RCBTB1: variants seen among roughly 807,000 people sequenced by gnomAD.
RCBTB1 encodes the protein RCC1 and BTB domain-containing protein 1.
Under a neutral mutation model 62.4 loss-of-function variants are expected in RCBTB1, and 46 were observed. The observed-to-expected ratio is 0.74, with a 90% CI of 0.58 to 0.94. The LOEUF (loss-of-function observed/expected upper bound fraction) is 0.94. Ranked by LOEUF, RCBTB1 falls within the 40% of genes least tolerant of loss-of-function variation. The pLI, the probability that RCBTB1 is intolerant of heterozygous loss-of-function variation, is 0.00. For missense variants in RCBTB1, 565 were observed against 654.9 expected, an observed-to-expected ratio of 0.86 and a Z score of 1.50; for synonymous variants, 222 against 245.8, an observed-to-expected ratio of 0.90 and a Z score of 0.91.
intron 2 of RCBTB1, among the ~76,000 whole-genome samples, chr13:49,575,224 G>A (rs991149840): frequency 6.6e-6 from 1 of 152,130 alleles, no homozygotes; most frequent in Non-Finnish European, 1.5e-5. Context: ...ACACCAGTCA[G>A]AATGGCCATT....
chr13:49,545,663 G>GA (rs1264015715), intron 9 of RCBTB1, among the ~76,000 whole-genome samples: 1 of 152,172 alleles, frequency 6.6e-6, no homozygotes. Flanking sequence ...GGCTAATGGG[G>GA]AAATTTTTTT....
intron 1 of RCBTB1, among the ~76,000 whole-genome samples, chr13:49,585,056 A>C (rs1449295664): frequency 6.6e-6 from 1 of 152,200 alleles, no homozygotes; most frequent in Non-Finnish European, 1.5e-5. Context: ...AAGATCTTGG[A>C]AAGGAGAGAG....
At chr13:49,575,773 A>G (rs1963736580) in intron 2 of RCBTB1, among the ~76,000 whole-genome samples, 1 of 152,152 alleles carries the variant, frequency 6.6e-6, no homozygotes, top group African/African-American at 2.4e-5. Context: ...AGGCTAAAAA[A>G]CTACCTATTG....
At chr13:49,541,452 C>T (rs1960355852) in intron 11 of RCBTB1, among the ~76,000 whole-genome samples, 1 of 151,930 alleles carries the variant, frequency 6.6e-6, no homozygotes, top group African/African-American at 2.4e-5. Context: ...AAAAAAAAGT[C>T]CTTCAGTAAC....
intron 6 of RCBTB1, among the ~76,000 whole-genome samples, chr13:49,554,674 T>C (rs1306153521): frequency 1.3e-5 from 2 of 152,092 alleles, no homozygotes; most frequent in Non-Finnish European, 2.9e-5. Context: ...ACGAACCCCA[T>C]TGTGAACTGC....
intron 6 of RCBTB1, among the ~76,000 whole-genome samples, 192 bp from the exon 7 acceptor site, chr13:49,552,477 C>T (rs1388591037): frequency 6.6e-6 from 1 of 152,096 alleles, no homozygotes; most frequent in Non-Finnish European, 1.5e-5. Flanking sequence ...GTTTCTACTC[C>T]ATGACTTACT....
chr13:49,548,266 C>T (rs2139163469), intron 9 of RCBTB1, among the ~76,000 whole-genome samples: 1 of 151,952 alleles, frequency 6.6e-6, no homozygotes, highest in Middle Eastern at 3.5e-3. Context: ...GTGGCACGCG[C>T]CTGTAATCCC....
intron 12 of RCBTB1, among the ~76,000 whole-genome samples, chr13:49,534,488 C>T (rs556487149): frequency 2.6e-5 from 4 of 152,084 alleles, no homozygotes; most frequent in East Asian, 1.9e-4. Context: ...ACTCAAAGTA[C>T]GACTCTTCAA....
At position 49,567,208 on chromosome 13, in the gene RCBTB1, C is replaced by A; in HGVS notation, c.72G>T (p.Ala24=). The A allele has an allele frequency of 6.2e-7, 1 of 1,613,838 alleles. No individual in the cohort carries two copies. ...SPQEIASIRK[A]CVFGTSASEA... ...CACTGGCTGAGGTGCCGAAGACACA[C>A]GCCTTCCGAATAGACGCGATCTCTT... The change falls in exon 3 of 13, where the codon GCG becomes GCT. Residue 24 remains alanine, a synonymous_variant. Coordinates refer to ENST00000378302, the MANE Select transcript of RCBTB1 (RefSeq NM_018191.4).
chr13:49,564,183 G>A (rs1202088312), intron 4 of RCBTB1, among the ~76,000 whole-genome samples: 2 of 152,126 alleles, frequency 1.3e-5, no homozygotes, highest in African/African-American at 4.8e-5. Context: ...CTGCATCCCC[G>A]GTTCTTTCAA....
At chr13:49,572,865 G>A (rs1246445011) in intron 2 of RCBTB1, among the ~76,000 whole-genome samples, 2 of 152,184 alleles carry the variant, frequency 1.3e-5, no homozygotes, top group Non-Finnish European at 2.9e-5. Context: ...CAAATAGGAA[G>A]ATATGAAGTG....
chr13:49,568,016 GTC>G (rs1365052651), intron 2 of RCBTB1, among the ~76,000 whole-genome samples: 1 of 152,128 alleles, frequency 6.6e-6, no homozygotes, highest in Non-Finnish European at 1.5e-5. Context: ...AAGAAAGAAA[GTC>G]TCCTTATCAT....
intron 2 of RCBTB1, among the ~76,000 whole-genome samples, chr13:49,572,478 A>G (rs1297535108): frequency 1.3e-5 from 2 of 152,244 alleles, no homozygotes; most frequent in Non-Finnish European, 2.9e-5. Flanking sequence ...TCAAAGGAAT[A>G]TAAATGTAGT....
rs760901432 is a variant in RCBTB1, at chr13:49,549,509, C to T, written c.994G>A (p.Val332Met). 6.8e-6 allele frequency: 11 copies of T among 1,613,744 alleles called. No homozygotes were observed. The highest frequency in any genetic ancestry group is 1.3e-5 in the African/African-American group (1 of 74,968). Residue 332 changes from valine to methionine, a missense_variant, in exon 9 of 13, where the codon GTG becomes ATG. Coordinates refer to ENST00000378302, the MANE Select transcript of RCBTB1 (RefSeq NM_018191.4). ...GCGGGAGTGGCAAAGCAGGCAAACA[C>T]GTCGTCGGTGCAGGAGAAGTGGGTG... Reference protein sequence around the residue: ...HLTHFSCTDDVFACFATPAVS... With the variant: ...HLTHFSCTDDMFACFATPAVS...
At chr13:49,571,812 A>C (rs1286804227) in intron 2 of RCBTB1, among the ~76,000 whole-genome samples, 1 of 152,188 alleles carries the variant, frequency 6.6e-6, no homozygotes, top group East Asian at 1.9e-4. Flanking sequence ...TATTGTGGTG[A>C]GGTCTTTAAT....
intron 2 of RCBTB1, among the ~76,000 whole-genome samples, chr13:49,571,705 G>A (rs945207316): frequency 1.4e-4 from 22 of 152,134 alleles, no homozygotes; most frequent in Admixed American, 1.2e-3. Flanking sequence ...ACTTGGGCGC[G>A]TGGCATTTCC....
chr13:49,574,745 C>G (rs1189888913), intron 2 of RCBTB1, among the ~76,000 whole-genome samples: 1 of 150,776 alleles, frequency 6.6e-6, no homozygotes, highest in African/African-American at 2.4e-5. Flanking sequence ...TAGCATATAC[C>G]CCAAAGAACT....
chr13:49,566,874 G>T (rs1963057405), intron 3 of RCBTB1, 106 bp from the exon 4 acceptor site: 5 of 1,094,638 alleles, frequency 4.6e-6, no homozygotes, highest in Non-Finnish European at 6.5e-6. Context: ...AGCTCAGGAG[G>T]TGAAAAGAGA....
rs1315296228 is a variant in RCBTB1 at position 49,540,947 on chromosome 13, T to G, written c.1384A>C (p.Ile462Leu). The G allele has an allele frequency of 6.2e-7, 1 of 1,613,810 alleles. No homozygotes were observed. The highest frequency in any genetic ancestry group is 2.2e-5 in the East Asian group (1 of 44,882). ...TCCACAGTAATTCCTCTCTTGATAA[T>G]GTGCTGACAAAGTTTTTTCAGTCTG... is the stretch of plus-strand genomic sequence containing the variant. Reference protein sequence around the residue: ...ENRLKKLCQHIIKRGITVENA... With the variant: ...ENRLKKLCQHLIKRGITVENA... Residue 462 changes from isoleucine to leucine, a missense_variant, in exon 12 of 13, where the codon ATT becomes CTT. By Grantham distance (5) the Ile-to-Leu change is conservative. Coordinates refer to ENST00000378302, the MANE Select transcript of RCBTB1 (RefSeq NM_018191.4).
Sources: gnomAD v4.1 joint callset for allele counts (sites outside exome capture counted in the v4.1 genomes callset) on GRCh38, gnomAD v4.1.1 for gene constraint, MANE v1.5 for transcripts, NCBI Gene and HGNC (gene_info 2026-07-23, HGNC 2026-07-21) for gene names.